SPOCK2: variants seen among roughly 807,000 people sequenced by gnomAD.
SPOCK2 encodes the protein testican-2.
A neutral mutation model predicts 60.1 loss-of-function variants in SPOCK2; 39 were observed. That is an observed-to-expected ratio of 0.65 (90% CI 0.50 to 0.85). The LOEUF is 0.85. SPOCK2 is among the 40% of genes least tolerant of loss of function. The pLI is 0.00. For missense variants in SPOCK2, 523 were observed against 567.4 expected, an observed-to-expected ratio of 0.92 and a Z score of 0.80; for synonymous variants, 217 against 231.5, an observed-to-expected ratio of 0.94 and a Z score of 0.57.
Position 72,072,149 on chromosome 10 carries a change from C to A in SPOCK2, c.354G>T (p.Glu118Asp), listed in dbSNP as rs755293245. Residue 118 changes from glutamate (E) to aspartate (D), a missense_variant, in exon 4 of 11, where the codon GAG (glutamate) becomes GAT (aspartate). Coordinates refer to ENST00000373109, the MANE Select transcript of SPOCK2 (RefSeq NM_001244950.2). ...CACCTCCCCAAACCTCTCACCTGTG[C>A]TCCAGCTTCTTGCGACTGATGCACA... ...RAMCISRKKL[E>D]HRIKQPTVKL... 3.6e-5 allele frequency: 54 copies of A among 1,515,072 alleles called. No homozygotes were observed. Among genetic ancestry groups the A allele is most frequent in the Non-Finnish European group, 4.2e-5 (47 of 1,131,218 alleles). The allele number at this position is 1,515,072 out of a possible 1,614,324, so 93.9% of individuals were successfully genotyped here. A position where few individuals can be genotyped will look rare whatever the true frequency, so the allele number is the denominator to read the frequency against.
chr10:72,073,054 G>C (rs563122178), intron 1 of SPOCK2, 144 bp from the exon 2 acceptor site: 1 of 1,137,306 alleles, frequency 8.8e-7, no homozygotes, highest in Admixed American at 2.1e-5. Flanking sequence ...TTCGATGGCT[G>C]TGTTCCTCTG....
rs80305506 is a variant in SPOCK2 at position 72,080,844 on chromosome 10, C to A, written c.189+7296G>T. On this transcript the variant is annotated intron_variant, in intron 1 of 10. Transcript: ENST00000373109. ...CTGGGCCTGGGCTCAGGTATGCCTG[C>A]GCCAACACCCACCTGCTGCCCGGGC... Among the ~76,000 whole-genome samples, 689 of 152,126 alleles carry A rather than the reference C, an allele frequency of 4.5e-3. 5 individuals carry two copies. The highest frequency in any genetic ancestry group is 0.016 in the African/African-American group (654 of 41,484).
intron 1 of SPOCK2, chr10:72,086,864 G>A: frequency 6.5e-7 from 1 of 1,549,468 alleles, no homozygotes; most frequent in South Asian, 1.2e-5. Context: ...TCACTTGGCT[G>A]GATAGCCTAT....
chr10:72,063,364 T>A (rs1490023328), intron 9 of SPOCK2, among the ~76,000 whole-genome samples: 1 of 152,218 alleles, frequency 6.6e-6, no homozygotes, highest in East Asian at 1.9e-4. Context: ...TCGCTGGAGA[T>A]GAGGAAACCC....
At position 72,067,610 on chromosome 10, in the gene SPOCK2, T is replaced by C. The variant is rs776677784; in HGVS notation, c.709+3A>G. On this transcript the variant is annotated splice_donor_region_variant and intron_variant, in intron 7 of 10. Transcript: ENST00000373109. ...CCTCCAGGCAGAGCAGCAAGCTTCC[T>C]ACCGCTGGCCGGGCCGGCTACACTG... is the stretch of plus-strand genomic sequence containing the variant. 11 of 1,612,466 alleles carry C rather than the reference T, an allele frequency of 6.8e-6. No homozygotes were observed. The highest frequency in any genetic ancestry group is 4.5e-5 in the East Asian group (2 of 44,880).
intron 1 of SPOCK2, among the ~76,000 whole-genome samples, chr10:72,080,137 A>G (rs780876378): frequency 6.6e-6 from 1 of 152,154 alleles, no homozygotes; most frequent in Non-Finnish European, 1.5e-5. Flanking sequence ...AGGGGTCTCA[A>G]TATGGACATC....
chr10:72,086,712 G>A (rs1840860750), intron 1 of SPOCK2: 1 of 1,369,666 alleles, frequency 7.3e-7, no homozygotes, highest in Non-Finnish European at 9.5e-7. Flanking sequence ...GCCCATCGCG[G>A]GGCCCGGCCA....
chr10:72,062,732 C>A lies in SPOCK2; in HGVS notation c.*28G>T, dbSNP rs541826991. 2 of 1,587,340 alleles carry A rather than the reference C, an allele frequency of 1.3e-6. No individual in the cohort carries two copies. Among genetic ancestry groups the A allele is most frequent in the Non-Finnish European group, 1.7e-6 (2 of 1,173,838 alleles). Reference sequence around the variant, plus strand: ...CTGCTCAGAGCTCTGCTGTTGAGTCCCCCCCGGCAGCCGGCTCCTGAGGGC... The same window carrying A: ...CTGCTCAGAGCTCTGCTGTTGAGTCACCCCCGGCAGCCGGCTCCTGAGGGC... On this transcript the variant is annotated 3_prime_UTR_variant, in exon 11 of 11. Transcript: ENST00000373109. The surrounding 1 kb of genome is among the most constrained non-coding windows in gnomAD (Gnocchi z 4.3).
In SPOCK2 at chr10:72,063,026, G is replaced by A. The variant is rs553813805; in HGVS notation, c.1128C>T (p.Cys376=). 8.2e-5 allele frequency: 127 copies of A among 1,557,234 alleles called. 1 individual carries two copies. The South Asian group carries it at 1.2e-3, about 14-fold the overall frequency. Residue 376 remains cysteine (C), a splice_region_variant and synonymous_variant, in exon 10 of 11, where the codon TGC becomes TGT. Transcript: ENST00000373109. ...TGTRTHGSPD[C]DDIVGFSGDF... ...GGCCCTGAGCTGCCCAGCCCGTACC[G>A]CAGTCGGGGCTCCCATGCGTGCGCG...
intron 1 of SPOCK2, among the ~76,000 whole-genome samples, chr10:72,080,498 G>A (rs1840768627): frequency 6.6e-6 from 1 of 152,148 alleles, no homozygotes; most frequent in African/African-American, 2.4e-5. Flanking sequence ...TCAGAAAAGA[G>A]CAAGGTGGGG....
intron 1 of SPOCK2, among the ~76,000 whole-genome samples, chr10:72,073,908 C>T (rs1840681555): frequency 6.6e-6 from 1 of 152,234 alleles, no homozygotes; most frequent in Non-Finnish European, 1.5e-5. Flanking sequence ...CTGGTGGAAA[C>T]TCTGCCAGGC....
At chr10:72,071,425 G>GTGATCCAC (rs1403055117) in intron 4 of SPOCK2, among the ~76,000 whole-genome samples, 1 of 152,158 alleles carries the variant, frequency 6.6e-6, no homozygotes, top group Non-Finnish European at 1.5e-5. Flanking sequence ...CTGACCTTAG[G>GTGATCCAC]TGATCCACCC....
chr10:72,075,056 G>A (rs1231053340), intron 1 of SPOCK2, among the ~76,000 whole-genome samples: 1 of 152,064 alleles, frequency 6.6e-6, no homozygotes, highest in Non-Finnish European at 1.5e-5. Flanking sequence ...GCAAGCCTCT[G>A]GGGAGGCTGC....
In SPOCK2 at chr10:72,062,594, TC is replaced by T; in HGVS notation, c.*165del. On this transcript the variant is annotated 3_prime_UTR_variant, in exon 11 of 11. Coordinates refer to ENST00000373109, the MANE Select transcript of SPOCK2 (RefSeq NM_001244950.2). This position sits in a 1 kb window ranked among gnomAD's most constrained non-coding sequence, Gnocchi z 4.3. The stretch of plus-strand genomic sequence containing the variant: ...ACACATGCACTCACACTGTCACCCG[TC>T]CCAGCCATCTGTGCCACACACATGC... 2 of 1,332,870 alleles carry T rather than the reference TC, an allele frequency of 1.5e-6. No homozygotes were observed. The highest frequency in any genetic ancestry group is 2.0e-6 in the Non-Finnish European group (2 of 982,782). 82.6% of individuals were successfully genotyped at this position (1,332,870 alleles called of 1,614,324 possible). A position where few individuals can be genotyped will look rare whatever the true frequency, so the allele number is the denominator to read the frequency against.
intron 4 of SPOCK2, 102 bp from the exon 5 acceptor site, chr10:72,070,528 C>A: frequency 9.2e-7 from 1 of 1,083,192 alleles, no homozygotes; most frequent in Non-Finnish European, 1.4e-6. Flanking sequence ...AAGGCAGCAG[C>A]AATCTTCAGC....
chr10:72,072,975 G>A lies in SPOCK2; in HGVS notation c.190-65C>T, dbSNP rs903158538. The stretch of plus-strand genomic sequence containing the variant: ...GCAGGAAGAGAAAGGGAGAAAGATG[G>A]GGATATCAGTGTGAGGCCCTCTGGT... On this transcript the variant is annotated intron_variant, in intron 1 of 10. Transcript: ENST00000373109. 2.1e-5 allele frequency: 33 copies of A among 1,551,160 alleles called. 1 individual carries two copies. The highest frequency in any genetic ancestry group is 1.7e-4 in the Middle Eastern group (1 of 6,014).
intron 1 of SPOCK2, chr10:72,086,764 C>T (rs1174439026): frequency 4.8e-6 from 7 of 1,464,560 alleles, no homozygotes; most frequent in Admixed American, 4.2e-5. Context: ...CTGCTGTCCT[C>T]TGTGAATTAC....
chr10:72,076,094 C>A lies in SPOCK2; in HGVS notation c.190-3184G>T, dbSNP rs537202562. Among the ~76,000 whole-genome samples, 5 of 152,094 alleles carry A rather than the reference C, an allele frequency of 3.3e-5. No individual in the cohort carries two copies. In the East Asian group the frequency reaches 7.7e-4, roughly 24 times the overall value. ...GACAGAGATGCCACATGAGGAACCC[C>A]AAAAAAGTGGAGAGGGAGAGGCCAC... On this transcript the variant is annotated intron_variant, in intron 1 of 10. Coordinates refer to ENST00000373109, the MANE Select transcript of SPOCK2 (RefSeq NM_001244950.2).
Position 72,068,137 on chromosome 10 carries a change from C to T in SPOCK2, c.589+50G>A, listed in dbSNP as rs143126660. The T allele has an allele frequency of 2.7e-5, 42 of 1,560,904 alleles. No individual in the cohort carries two copies. The East Asian group carries it at 8.4e-4, about 31-fold the overall frequency. ...CCACCCTAGAGCCCTGAAGGAGGTG[C>T]CAGGTGGCCCTTCAGCACCCCTAGC... On this transcript the variant is annotated intron_variant, in intron 6 of 10. Coordinates refer to ENST00000373109, the MANE Select transcript of SPOCK2 (RefSeq NM_001244950.2).
Sources: allele counts gnomAD v4.1 joint callset (sites outside exome capture counted in the v4.1 genomes callset), GRCh38; gene constraint gnomAD v4.1.1; non-coding constraint Gnocchi (gnomAD v3.1); transcripts MANE v1.5; gene names NCBI Gene and HGNC (gene_info 2026-07-23, HGNC 2026-07-21).